The following SPHKAP variants were observed in gnomAD, a reference collection of about 807,000 sequenced individuals.
SPHKAP encodes SPHK1 interactor, AKAP domain containing.
SPHKAP carries 67 observed loss-of-function variants against 137.5 expected under a neutral mutation model. The observed-to-expected ratio is 0.49, with a 90% CI of 0.40 to 0.60. The LOEUF is 0.60. Among genes scored for constraint, SPHKAP ranks in the 20% least tolerant of loss-of-function variants. The probability of loss-of-function intolerance (pLI) is 0.00; values close to 1 mark genes in which losing one functional copy is unlikely to be tolerated. For synonymous variants in SPHKAP, 813 were observed against 785.3 expected, an observed-to-expected ratio of 1.04 and a Z score of -0.59; for missense variants, 2,097 against 2,069.3, an observed-to-expected ratio of 1.01 and a Z score of -0.26.
intron 3 of SPHKAP, among the ~76,000 whole-genome samples, chr2:228,083,560 T>C (rs1291246154): frequency 6.6e-6 from 1 of 152,196 alleles, no homozygotes; most frequent in African/African-American, 2.4e-5. Context: ...AAATACCATT[T>C]GACCCAGCAA....
chr2:228,123,949 A>G (rs1698993759), intron 2 of SPHKAP, among the ~76,000 whole-genome samples: 1 of 152,210 alleles, frequency 6.6e-6, no homozygotes, highest in Non-Finnish European at 1.5e-5. Flanking sequence ...TTCTCAAAAG[A>G]AGATATTTAT....
chr2:228,129,158 C>T (rs1699171259), intron 2 of SPHKAP, among the ~76,000 whole-genome samples: 1 of 152,102 alleles, frequency 6.6e-6, no homozygotes, highest in East Asian at 1.9e-4. Context: ...TCACTGGTAA[C>T]AGATCACCAC....
At position 228,181,531 on chromosome 2, in the gene SPHKAP, G is replaced by C; in HGVS notation, c.32+36C>G. 12 of 1,614,122 alleles carry C rather than the reference G, an allele frequency of 7.4e-6. No individual in the cohort carries two copies. Among genetic ancestry groups the C allele is most frequent in the Non-Finnish European group, 1.0e-5 (12 of 1,179,974 alleles). On this transcript the variant is annotated intron_variant, in intron 1 of 11. Transcript: ENST00000392056. This position sits in a 1 kb window ranked among gnomAD's most constrained non-coding sequence, Gnocchi z 4.3. ...TCACAACGCGGAACGGAGTTTGATC[G>C]ACATGGTATTGGGCATAGAAAGAAG...
intron 1 of SPHKAP, among the ~76,000 whole-genome samples, chr2:228,177,027 A>T (rs1204980148): frequency 1.3e-5 from 2 of 152,188 alleles, no homozygotes; most frequent in Admixed American, 6.5e-5. Context: ...CACTAGCCAA[A>T]GGAGACCACT....
intron 2 of SPHKAP, among the ~76,000 whole-genome samples, chr2:228,117,789 T>C (rs1435782631): frequency 3.3e-5 from 5 of 151,160 alleles, no homozygotes; most frequent in South Asian, 2.1e-4. Flanking sequence ...GTATCCTAAG[T>C]CCCAGCCCCT....
chr2:227,982,188 T>C (rs1212579335), intron 11 of SPHKAP: 1 of 985,210 alleles, frequency 1.0e-6, no homozygotes, highest in African/African-American at 1.7e-5. Flanking sequence ...TTTTTCTCAG[T>C]TAGACTTTCT....
At chr2:228,084,000 A>G (rs1164775381) in intron 3 of SPHKAP, among the ~76,000 whole-genome samples, 1 of 152,042 alleles carries the variant, frequency 6.6e-6, no homozygotes, top group Non-Finnish European at 1.5e-5. Flanking sequence ...TTAAACCCAG[A>G]TGACGGGTTG....
chr2:227,992,641 C>A (rs1325259369), intron 9 of SPHKAP, among the ~76,000 whole-genome samples: 1 of 152,026 alleles, frequency 6.6e-6, no homozygotes, highest in African/African-American at 2.4e-5. Flanking sequence ...AACAAAAAAA[C>A]AAGATAATGT....
chr2:227,991,336 A>G lies in SPHKAP; in HGVS notation c.4722-10T>C. The G allele has an allele frequency of 6.2e-7, 1 of 1,614,198 alleles. No homozygotes were observed. ...TTCTTCTACTAATTCACTTTGGGAGAAAACAACAGTATATGGTTGGTAATG... is the reference window on the plus strand; with the variant it reads ...TTCTTCTACTAATTCACTTTGGGAGGAAACAACAGTATATGGTTGGTAATG... On this transcript the variant is annotated splice_polypyrimidine_tract_variant and intron_variant, in intron 9 of 11. Transcript: ENST00000392056.
intron 7 of SPHKAP, among the ~76,000 whole-genome samples, chr2:227,997,049 GT>G (rs1423086171): frequency 6.6e-6 from 1 of 152,132 alleles, no homozygotes; most frequent in African/African-American, 2.4e-5. Context: ...CCTTCCAACG[GT>G]TGTGCTTCAA....
At chr2:228,124,525 T>C (rs775396060) in intron 2 of SPHKAP, among the ~76,000 whole-genome samples, 3 of 137,516 alleles carry the variant, frequency 2.2e-5, no homozygotes, top group Non-Finnish European at 4.5e-5. Context: ...TAGGTGGGAA[T>C]TGAACAACGA....
rs567086609 is a variant in SPHKAP, at chr2:228,173,441, T to C, written c.32+8126A>G. 2.6e-5 allele frequency among the ~76,000 whole-genome samples: 4 copies of C among 152,328 alleles called. No homozygotes were observed. The South Asian group carries it at 8.3e-4, about 32-fold the overall frequency. On this transcript the variant is annotated intron_variant, in intron 1 of 11. Transcript: ENST00000392056. ...CCAGCTGATCTTAATATAAAGATTA[T>C]GCTGGATTATCTAGGTGACCTGATG...
chr2:228,098,139 A>G (rs752405144), intron 3 of SPHKAP, among the ~76,000 whole-genome samples: 1 of 135,754 alleles, frequency 7.4e-6, no homozygotes, highest in Non-Finnish European at 1.6e-5. Flanking sequence ...CAACGTTGCC[A>G]ACATATTTTT....
intron 1 of SPHKAP, among the ~76,000 whole-genome samples, chr2:228,162,090 T>C (rs1700291922): frequency 1.3e-5 from 2 of 152,228 alleles, no homozygotes; most frequent in African/African-American, 4.8e-5. Flanking sequence ...TTTTGATAGA[T>C]GTTGGTTGTA....
At chr2:228,084,813 CA>C (rs1280101401) in intron 3 of SPHKAP, among the ~76,000 whole-genome samples, 1 of 152,034 alleles carries the variant, frequency 6.6e-6, no homozygotes, top group Non-Finnish European at 1.5e-5. Context: ...CTGGATTGAA[CA>C]GAGAAAAAAT....
At chr2:228,010,990 T>C (rs1236260697) in intron 7 of SPHKAP, among the ~76,000 whole-genome samples, 1 of 152,210 alleles carries the variant, frequency 6.6e-6, no homozygotes, top group African/African-American at 2.4e-5. Context: ...GGGGCTTTAT[T>C]TGTTGAAATC....
intron 2 of SPHKAP, among the ~76,000 whole-genome samples, chr2:228,122,325 G>C (rs546594776): frequency 3.9e-5 from 6 of 152,090 alleles, no homozygotes; most frequent in Non-Finnish European, 7.4e-5. Context: ...CAGCCTGCAG[G>C]TTCCTTCCAG....
At position 228,017,919 on chromosome 2, in the gene SPHKAP, A is replaced by G; in HGVS notation, c.2935T>C (p.Leu979=). The G allele has an allele frequency of 6.2e-7, 1 of 1,614,044 alleles. No homozygotes were observed. The highest frequency in any genetic ancestry group is 8.5e-7 in the Non-Finnish European group (1 of 1,179,998). Residue 979 remains leucine (L), a synonymous_variant, in exon 7 of 12, where the codon TTG becomes CTG. Coordinates refer to ENST00000392056, the MANE Select transcript of SPHKAP (RefSeq NM_001142644.2). The part of the protein sequence containing the change: ...LMTPNVPCRS[L]KRKKESQGSG... ...CCCTGGCTCTCTTTCTTCCTCTTCA[A>G]GGATCGGCAGGGTACGTTGGGTGTC... is the stretch of plus-strand genomic sequence containing the variant.
Position 227,992,715 on chromosome 2 carries a change from C to T in SPHKAP, c.4721+819G>A, listed in dbSNP as rs114174508. Among the ~76,000 whole-genome samples the T allele has an allele frequency of 8.1e-3, 1,227 of 152,264 alleles. 6 individuals carry two copies. Among genetic ancestry groups the T allele is most frequent in the Middle Eastern group, 0.01 (3 of 294 alleles). On this transcript the variant is annotated intron_variant, in intron 9 of 11. Coordinates refer to ENST00000392056, the MANE Select transcript of SPHKAP (RefSeq NM_001142644.2). ...GCCACAAAGGAACCACTGTCACCCT[C>T]AATCACTGAGGAGCACAACTAGTTA...
Sources: allele counts gnomAD v4.1 joint callset (sites outside exome capture counted in the v4.1 genomes callset), GRCh38; gene constraint gnomAD v4.1.1; non-coding constraint Gnocchi (gnomAD v3.1); transcripts MANE v1.5; gene names NCBI Gene and HGNC (gene_info 2026-07-23, HGNC 2026-07-21).